The following SHOC1 variants were observed in gnomAD, a reference collection of about 807,000 sequenced individuals.
SHOC1 encodes shortage in chiasmata 1.
In SHOC1, 136 loss-of-function variants were observed where a neutral mutation model predicts 179.2. That is an observed-to-expected ratio of 0.76 (90% CI 0.66 to 0.87). The LOEUF (loss-of-function observed/expected upper bound fraction) is 0.87, where lower values mean the gene tolerates loss of function less well. SHOC1 is among the 40% of genes least tolerant of loss of function. SHOC1 has a pLI of 0.00. For synonymous variants in SHOC1, 489 were observed against 586.6 expected (o/e 0.83, Z 2.41); for missense variants, 1,538 against 1,700.8 (o/e 0.90, Z 1.68).
At chr9:111,772,102 C>CT (rs1203284389) in intron 5 of SHOC1, among the ~76,000 whole-genome samples, 1 of 151,554 alleles carries the variant, frequency 6.6e-6, no homozygotes, top group Admixed American at 6.6e-5. Flanking sequence ...TTTCTTTTTT[C>CT]TTTTTTCTCC....
chr9:111,783,335 T>C (rs1277036237), intron 3 of SHOC1: 1 of 152,162 alleles, frequency 6.6e-6, no homozygotes, highest in Non-Finnish European at 1.5e-5. Flanking sequence ...CCAATCATAT[T>C]AATAACCAAT....
chr9:111,781,356 G>C (rs1489241645), intron 3 of SHOC1, among the ~76,000 whole-genome samples: 1 of 152,042 alleles, frequency 6.6e-6, no homozygotes, highest in Non-Finnish European at 1.5e-5. Context: ...TCCAGCTCAA[G>C]CTGATACATT....
intron 8 of SHOC1, among the ~76,000 whole-genome samples, chr9:111,751,898 T>C (rs973384918): frequency 3.9e-5 from 6 of 152,122 alleles, no homozygotes; most frequent in Admixed American, 1.3e-4. Context: ...AAAAGAAAAT[T>C]TAAAAACTAG....
At chr9:111,759,336 A>G (rs371651579) in intron 5 of SHOC1, 18 of 1,539,934 alleles carry the variant, frequency 1.2e-5, no homozygotes, top group African/African-American at 6.9e-5. Flanking sequence ...GACTGATTCT[A>G]TTATTCTTAA....
chr9:111,703,748 C>G, intron 22 of SHOC1, 133 bp downstream of exon 22: 1 of 474,930 alleles, frequency 2.1e-6, no homozygotes, highest in South Asian at 4.8e-5. Flanking sequence ...ACGATTTTAG[C>G]ACTTGTGGCC....
At chr9:111,724,620 G>A (rs1240924833) in intron 13 of SHOC1, among the ~76,000 whole-genome samples, 1 of 151,928 alleles carries the variant, frequency 6.6e-6, no homozygotes, top group East Asian at 1.9e-4. Flanking sequence ...CAAAGTGCTG[G>A]GATTACAGGC....
At chr9:111,759,293 G>A in intron 5 of SHOC1, 1 of 1,609,796 alleles carries the variant, frequency 6.2e-7, no homozygotes, top group Non-Finnish European at 8.5e-7. Flanking sequence ...TGACATGTAG[G>A]GAATGGAGAT....
At chr9:111,704,393 T>C (rs951392316) in intron 21 of SHOC1, among the ~76,000 whole-genome samples, 1 of 152,152 alleles carries the variant, frequency 6.6e-6, no homozygotes, top group Non-Finnish European at 1.5e-5. Context: ...TTACTGTATA[T>C]TGTTATTATT....
chr9:111,733,130 T>C (rs957717345), intron 12 of SHOC1, among the ~76,000 whole-genome samples: 10 of 152,206 alleles, frequency 6.6e-5, no homozygotes, highest in Admixed American at 6.5e-4. Context: ...GTTCATTTTA[T>C]GTAAATTATA....
At chr9:111,766,961 G>A (rs1046716277) in intron 5 of SHOC1, among the ~76,000 whole-genome samples, 3 of 152,026 alleles carry the variant, frequency 2.0e-5, no homozygotes, top group Admixed American at 6.6e-5. Context: ...GTGATGTTGA[G>A]CATTTTTTCA....
chr9:111,706,047 A>G (rs1832259306), intron 20 of SHOC1, among the ~76,000 whole-genome samples: 1 of 152,106 alleles, frequency 6.6e-6, no homozygotes, highest in Non-Finnish European at 1.5e-5. Context: ...GCACTCTCAC[A>G]CTGAGTGCAT....
At chr9:111,743,011 G>GT (rs1193891505) in intron 10 of SHOC1, among the ~76,000 whole-genome samples, 1 of 152,176 alleles carries the variant, frequency 6.6e-6, no homozygotes, top group African/African-American at 2.4e-5. Flanking sequence ...TCAGCAGTCA[G>GT]TTAGTAGCTT....
intron 16 of SHOC1, among the ~76,000 whole-genome samples, chr9:111,717,014 G>C (rs1362113873): frequency 1.3e-5 from 2 of 152,122 alleles, no homozygotes; most frequent in African/African-American, 4.8e-5. Context: ...ATAATAGATT[G>C]CTAGCTCTAC....
chr9:111,730,818 C>T (rs943381358), intron 12 of SHOC1, among the ~76,000 whole-genome samples: 1 of 152,190 alleles, frequency 6.6e-6, no homozygotes, highest in Admixed American at 6.5e-5. Context: ...ACATTGACTG[C>T]TTCCTACTGG....
intron 4 of SHOC1, among the ~76,000 whole-genome samples, chr9:111,779,642 TA>T (rs149543692): frequency 0.19 from 28,584 of 152,068 alleles, 2,874 homozygotes; most frequent in Non-Finnish European, 0.22. Flanking sequence ...ATCTAACTCA[TA>T]AGGTGAAAAG....
At chr9:111,756,098 G>GGCA (rs1420591030) in intron 8 of SHOC1, among the ~76,000 whole-genome samples, 1 of 151,592 alleles carries the variant, frequency 6.6e-6, no homozygotes. Flanking sequence ...CTCCAGCCTG[G>GGCA]GCAACAAGAG....
chr9:111,703,042 C>T (rs1002062880), intron 22 of SHOC1, among the ~76,000 whole-genome samples: 18 of 152,048 alleles, frequency 1.2e-4, no homozygotes, highest in Admixed American at 3.3e-4. Context: ...CCCAGGAGTT[C>T]GAGGCTGCAG....
chr9:111,787,885 AGCCGTCAACTTCAAG>A (rs1185887521), intron 2 of SHOC1, among the ~76,000 whole-genome samples: 1 of 152,202 alleles, frequency 6.6e-6, no homozygotes, highest in East Asian at 1.9e-4. Context: ...ATCAGTCAGC[AGCCGTCAACTTCAAG>A]GCAAGATGCT....
rs188013997 is a variant in SHOC1, at chr9:111,713,278, A to T, written c.2416-106T>A. On this transcript the variant is annotated intron_variant, in intron 17 of 27. Transcript: ENST00000682961. Reference sequence around the variant, plus strand: ...TTTAATTGGTTCTATGAAACTAATGACAATAAGATTACAAAGCAAATATTT... The same window carrying T: ...TTTAATTGGTTCTATGAAACTAATGTCAATAAGATTACAAAGCAAATATTT... 8.3e-5 allele frequency: 48 copies of T among 579,126 alleles called. No individual in the cohort carries two copies. The East Asian group carries it at 1.5e-3, about 18-fold the overall frequency. 35.9% of individuals were successfully genotyped at this position (579,126 alleles called of 1,614,324 possible).
Sources: allele counts gnomAD v4.1 joint callset (sites outside exome capture counted in the v4.1 genomes callset), GRCh38; gene constraint gnomAD v4.1.1; transcripts MANE v1.5; gene names NCBI Gene and HGNC (gene_info 2026-07-23, HGNC 2026-07-21).